The following FRMD4A variants were observed in gnomAD, a reference collection of about 807,000 sequenced individuals.
The protein encoded by FRMD4A is FERM domain-containing protein 4A.
Under a neutral mutation model 129.1 loss-of-function variants are expected in FRMD4A, and 29 were observed. That is an observed-to-expected ratio of 0.22 (90% CI 0.17 to 0.31). FRMD4A has a LOEUF of 0.31. Among genes scored for constraint, FRMD4A ranks in the 10% least tolerant of loss-of-function variants. The pLI is 1.00. For synonymous variants in FRMD4A, 634 were observed against 571.6 expected (o/e 1.11, Z -1.56); for missense variants, 1,272 against 1,375.8 (o/e 0.92, Z 1.19).
intron 2 of FRMD4A, among the ~76,000 whole-genome samples, chr10:14,046,484 C>G (rs752434167): frequency 6.6e-6 from 1 of 152,118 alleles, no homozygotes; most frequent in Admixed American, 6.6e-5. Flanking sequence ...ATTTTGAAAA[C>G]TCATTTCCAG....
At chr10:14,303,135 A>G (rs1460845516) in intron 2 of FRMD4A, among the ~76,000 whole-genome samples, 2 of 152,174 alleles carry the variant, frequency 1.3e-5, no homozygotes, top group Non-Finnish European at 2.9e-5. Flanking sequence ...CTCACATTCC[A>G]TTTCAAGGCA....
chr10:13,697,440 G>A lies in FRMD4A; in HGVS notation c.976-3401C>T, dbSNP rs541303042. Among the ~76,000 whole-genome samples, 239 of 152,240 alleles carry A rather than the reference G, an allele frequency of 1.6e-3. 4 individuals are homozygous for A. Among genetic ancestry groups the A allele is most frequent in the African/African-American group, 5.6e-3 (234 of 41,558 alleles). On this transcript the variant is annotated intron_variant, in intron 14 of 24. Coordinates refer to ENST00000357447, the MANE Select transcript of FRMD4A (RefSeq NM_018027.5). ...TGGGATTACAGGCATGAGCCACTGC[G>A]CCCGGTCCGGATTCTTTCTAGAATG...
Position 14,126,040 on chromosome 10 carries a change from A to G in FRMD4A, c.45+204018T>C, listed in dbSNP as rs568734550. On this transcript the variant is annotated intron_variant, in intron 2 of 24. Coordinates refer to ENST00000357447, the MANE Select transcript of FRMD4A (RefSeq NM_018027.5). Reference sequence around the variant, plus strand: ...AATCTCATTTTTTCCAGTGTTTTCTATCACAGTGGTTGGAACTTCCATCCA... The same window carrying G: ...AATCTCATTTTTTCCAGTGTTTTCTGTCACAGTGGTTGGAACTTCCATCCA... 5.9e-5 allele frequency among the ~76,000 whole-genome samples: 9 copies of G among 152,300 alleles called. No homozygotes were observed. In the East Asian group the frequency reaches 1.2e-3, roughly 20 times the overall value.
At position 13,820,282 on chromosome 10, in the gene FRMD4A, C is replaced by T. The variant is rs148279213; in HGVS notation, c.112-9374G>A. On this transcript the variant is annotated intron_variant, in intron 3 of 24. Transcript: ENST00000357447. ...ATGGAAACCCCGAAGACCTCGTTTC[C>T]GTGTAATTGAAGGGAACTCAGCACT... 7.9e-5 allele frequency among the ~76,000 whole-genome samples: 12 copies of T among 152,246 alleles called. No homozygotes were observed. The East Asian group carries it at 1.4e-3, about 17-fold the overall frequency.
intron 24 of FRMD4A, chr10:13,649,614 T>C (rs1245307269): frequency 6.6e-6 from 1 of 152,248 alleles, no homozygotes; most frequent in Admixed American, 6.5e-5. Flanking sequence ...GAATCTTTCT[T>C]AGTGCTTCCA....
intron 5 of FRMD4A, among the ~76,000 whole-genome samples, chr10:13,792,614 G>C (rs1438722755): frequency 6.6e-6 from 1 of 152,198 alleles, no homozygotes; most frequent in Non-Finnish European, 1.5e-5. Context: ...CCTGCTTCCA[G>C]GGTTGCTGCA....
intron 8 of FRMD4A, among the ~76,000 whole-genome samples, chr10:13,754,732 G>A (rs2091783329): frequency 1.3e-5 from 2 of 152,056 alleles, no homozygotes; most frequent in Non-Finnish European, 1.5e-5. Flanking sequence ...GTTTCCAACA[G>A]GGAAATTTGA....
intron 2 of FRMD4A, among the ~76,000 whole-genome samples, chr10:14,249,008 C>T (rs1183497575): frequency 5.3e-5 from 8 of 152,158 alleles, no homozygotes; most frequent in Admixed American, 1.3e-4. Flanking sequence ...TTTTGACATA[C>T]GTGATGACTT....
chr10:14,216,478 C>G (rs1490507448), intron 2 of FRMD4A, among the ~76,000 whole-genome samples: 1 of 152,066 alleles, frequency 6.6e-6, no homozygotes, highest in Non-Finnish European at 1.5e-5. Context: ...CAAGACCAGC[C>G]TGACCAACAT....
At chr10:13,736,772 T>C (rs982751138) in intron 12 of FRMD4A, among the ~76,000 whole-genome samples, 1 of 152,258 alleles carries the variant, frequency 6.6e-6, no homozygotes, top group Non-Finnish European at 1.5e-5. Context: ...GTTTTTAATA[T>C]GTATTTCAGG....
chr10:14,016,353 T>A (rs1263420382), intron 2 of FRMD4A, among the ~76,000 whole-genome samples: 1 of 152,198 alleles, frequency 6.6e-6, no homozygotes, highest in Non-Finnish European at 1.5e-5. Flanking sequence ...GATGAAACAA[T>A]GTTTGTGAAA....
intron 2 of FRMD4A, among the ~76,000 whole-genome samples, chr10:14,176,466 C>CTTTTT (rs35347674): frequency 2.7e-5 from 2 of 72,832 alleles, no homozygotes; most frequent in African/African-American, 1.0e-4. Context: ...TCACCTCCAT[C>CTTTTT]TTTTTTTTTT....
chr10:13,782,932 CA>C lies in FRMD4A; in HGVS notation c.373del (p.Cys125AlafsTer17). 1 of 1,404,486 alleles carries C rather than the reference CA, an allele frequency of 7.1e-7. No individual in the cohort carries two copies. The highest frequency in any genetic ancestry group is 1.0e-6 in the Non-Finnish European group (1 of 988,492). 87.0% of individuals were successfully genotyped at this position (1,404,486 alleles called of 1,614,324 possible). ...IELFFLNAKS[C>X]IYKELIDVDS... ...AGAGGGAGTTCCTACCTTGTAGATG[CA>C]GGACTTCGCGTTCAGAAAGAAAAGC... On this transcript the variant is annotated frameshift_variant, in exon 6 of 25. Transcript: ENST00000357447. LOFTEE classifies it high-confidence loss of function.
chr10:13,998,333 G>C (rs1226586561), intron 2 of FRMD4A, among the ~76,000 whole-genome samples: 1 of 152,120 alleles, frequency 6.6e-6, no homozygotes, highest in Non-Finnish European at 1.5e-5. Context: ...ATTTCAAACT[G>C]CTCATCTGTC....
At chr10:14,278,928 G>A (rs545494965) in intron 2 of FRMD4A, among the ~76,000 whole-genome samples, 6 of 152,246 alleles carry the variant, frequency 3.9e-5, no homozygotes, top group African/African-American at 9.6e-5. Flanking sequence ...TAATCACAGC[G>A]GCACGGTTGT....
chr10:13,847,192 G>C (rs72771079), intron 3 of FRMD4A, among the ~76,000 whole-genome samples: 27,238 of 152,076 alleles, frequency 0.18, 2,699 homozygotes, highest in South Asian at 0.28. Flanking sequence ...TTGCCATGAG[G>C]TGCTGGGGCT....
chr10:14,131,348 G>A (rs1839239643), intron 2 of FRMD4A, among the ~76,000 whole-genome samples: 1 of 151,944 alleles, frequency 6.6e-6, no homozygotes, highest in African/African-American at 2.4e-5. Flanking sequence ...CAGAGTAGAA[G>A]CAAAGCCAAC....
intron 2 of FRMD4A, among the ~76,000 whole-genome samples, chr10:14,309,104 G>C (rs1462460030): frequency 2.0e-5 from 3 of 152,162 alleles, no homozygotes; most frequent in African/African-American, 7.2e-5. Context: ...GATGTTAGGG[G>C]ACAGAGAATT....
chr10:14,045,945 T>C (rs1040366943), intron 2 of FRMD4A, among the ~76,000 whole-genome samples: 1 of 148,406 alleles, frequency 6.7e-6, no homozygotes, highest in Admixed American at 6.8e-5. Flanking sequence ...ATATTCAATT[T>C]TATACATATG....
Sources: allele counts gnomAD v4.1 joint callset (sites outside exome capture counted in the v4.1 genomes callset), GRCh38; gene constraint gnomAD v4.1.1; transcripts MANE v1.5; gene names NCBI Gene and HGNC (gene_info 2026-07-23, HGNC 2026-07-21).